The following AKT1S1 variants were observed in gnomAD, a reference collection of about 807,000 sequenced individuals.
AKT1S1 encodes proline-rich AKT1 substrate 1.
AKT1S1 carries 17 observed loss-of-function variants against 21.2 expected under a neutral mutation model. That is an observed-to-expected ratio of 0.80 (90% CI 0.55 to 1.20). The LOEUF (loss-of-function observed/expected upper bound fraction) is 1.20, where lower values mean the gene tolerates loss of function less well. Among genes scored for constraint, AKT1S1 ranks in the 50% most tolerant of loss-of-function variants. AKT1S1 has a pLI of 0.00. For synonymous variants in AKT1S1, 181 were observed against 165.6 expected, an observed-to-expected ratio of 1.09 and a Z score of -0.72; for missense variants, 366 against 368.3, an observed-to-expected ratio of 0.99 and a Z score of 0.05.
rs992986229 is a variant in AKT1S1 at position 49,869,815 on chromosome 19, G to A, written c.*102C>T. The A allele has an allele frequency of 8.1e-7, 1 of 1,232,170 alleles. No individual in the cohort carries two copies. The highest frequency in any genetic ancestry group is 1.1e-6 in the Non-Finnish European group (1 of 946,540). The allele number at this position is 1,232,170 out of a possible 1,614,324, so 76.3% of individuals were successfully genotyped here. On this transcript the variant is annotated 3_prime_UTR_variant, in exon 5 of 5. Coordinates refer to ENST00000344175, the MANE Select transcript of AKT1S1 (RefSeq NM_001098633.4). Reference sequence around the variant, plus strand: ...ATCTTGGGAATGGGAGACGCAAGGAGGCCGGTCCCGGATCGGCCTCAGATT... The same window carrying A: ...ATCTTGGGAATGGGAGACGCAAGGAAGCCGGTCCCGGATCGGCCTCAGATT...
Position 49,871,654 on chromosome 19 carries a change from C to T in AKT1S1, c.520G>A (p.Ala174Thr), listed in dbSNP as rs372167925. Residue 174 changes from alanine to threonine, a missense_variant, in exon 4 of 5, where the codon GCC becomes ACC. Ala to Thr is a moderately conservative substitution (Grantham distance 58). Coordinates refer to ENST00000344175, the MANE Select transcript of AKT1S1 (RefSeq NM_001098633.4). ...PPTCSVPPAS[A>T]LPTQQYAKSL... ...TTGGCGTACTGCTGTGTGGGTAGGG[C>T]TGAGGCTGGGGGCACTGAGCAGGTG... The T allele has an allele frequency of 3.7e-6, 6 of 1,613,934 alleles. No individual in the cohort carries two copies. The African/African-American group carries it at 8.0e-5, about 22-fold the overall frequency.
In AKT1S1 at chr19:49,869,774, T is replaced by C; in HGVS notation, c.*143A>G. 1 of 994,186 alleles carries C rather than the reference T, an allele frequency of 1.0e-6. No individual in the cohort carries two copies. Among genetic ancestry groups the C allele is most frequent in the African/African-American group, 1.7e-5 (1 of 58,538 alleles). The allele number at this position is 994,186 out of a possible 1,614,324, so 61.6% of individuals were successfully genotyped here. A position where few individuals can be genotyped will look rare whatever the true frequency, so the allele number is the denominator to read the frequency against. On this transcript the variant is annotated 3_prime_UTR_variant, in exon 5 of 5. Transcript: ENST00000344175. The stretch of plus-strand genomic sequence containing the variant: ...CGTGGGCTGGAAGGACGGCGGGGAT[T>C]GGCAGAGGCGGGACAATCTTGGGAA...
chr19:49,875,386 G>A (rs2074928371), intron 1 of AKT1S1: 1 of 74,098 alleles, frequency 1.3e-5, no homozygotes, highest in African/African-American at 7.6e-5. Context: ...GAGAGCTTAG[G>A]ACACTGGCAA....
Position 49,873,779 on chromosome 19 carries a change from C to T in AKT1S1, c.-7-477G>A, listed in dbSNP as rs2074912197. The T allele has an allele frequency of 6.3e-6, 1 of 158,896 alleles. No homozygotes were observed. The highest frequency in any genetic ancestry group is 6.5e-5 in the Admixed American group (1 of 15,318). 9.8% of individuals were successfully genotyped at this position (158,896 alleles called of 1,614,324 possible). On this transcript the variant is annotated intron_variant, in intron 1 of 4. Transcript: ENST00000344175. The surrounding 1 kb of genome is among the most constrained non-coding windows in gnomAD (Gnocchi z 6.9). ...GGCCGAGGCAGGCGGATCACCGAGCCCAAGAGTTCGAAGCCAGCCTGGGCA... is the reference window on the plus strand; with the variant it reads ...GGCCGAGGCAGGCGGATCACCGAGCTCAAGAGTTCGAAGCCAGCCTGGGCA...
At chr19:49,875,862 G>A (rs2074934830) in intron 1 of AKT1S1, 1 of 985,412 alleles carries the variant, frequency 1.0e-6, no homozygotes, top group Non-Finnish European at 1.2e-6. Flanking sequence ...AAGACCTGGG[G>A]GTCCTCCTTA....
At chr19:49,877,741 C>T (rs758864328), upstream of AKT1S1, 3 of 1,596,176 alleles carry the variant, frequency 1.9e-6, no homozygotes, top group Non-Finnish European at 2.6e-6. Context: ...GAGCCGGCTA[C>T]AGGGTAAGCA....
chr19:49,876,489 C>CT, intron 1 of AKT1S1: 2 of 1,273,132 alleles, frequency 1.6e-6, no homozygotes, highest in Non-Finnish European at 2.0e-6. Context: ...CCTCTGCCCT[C>CT]TGATCTGTGC....
intron 4 of AKT1S1, among the ~76,000 whole-genome samples, 197 bp from the exon 5 acceptor site, chr19:49,870,257 A>G (rs1029588649): frequency 6.6e-6 from 1 of 152,094 alleles, no homozygotes; most frequent in Non-Finnish European, 1.5e-5. Flanking sequence ...CCCGGTTCAG[A>G]CACCTCCTCC....
Position 49,869,726 on chromosome 19 carries a change from T to C in AKT1S1, c.*191A>G. On this transcript the variant is annotated 3_prime_UTR_variant, in exon 5 of 5. Coordinates refer to ENST00000344175, the MANE Select transcript of AKT1S1 (RefSeq NM_001098633.4). Reference sequence around the variant, plus strand: ...AGACCCAATCGGGAAACGGGACAGATGCCGCTCCTCGGCGCGGCAGGTCGT... The same window carrying C: ...AGACCCAATCGGGAAACGGGACAGACGCCGCTCCTCGGCGCGGCAGGTCGT... 1 of 587,736 alleles carries C rather than the reference T, an allele frequency of 1.7e-6. No homozygotes were observed. Among genetic ancestry groups the C allele is most frequent in the Non-Finnish European group, 2.7e-6 (1 of 368,470 alleles). 36.4% of individuals were successfully genotyped at this position (587,736 alleles called of 1,614,324 possible).
chr19:49,872,675 T>G (rs1465163515), intron 2 of AKT1S1, among the ~76,000 whole-genome samples: 1 of 152,156 alleles, frequency 6.6e-6, no homozygotes, highest in East Asian at 1.9e-4. Context: ...CCGAGCCTGC[T>G]CTGTGTCCTT....
rs147150231 is a variant in AKT1S1 at position 49,873,585 on chromosome 19, G to A, written c.-7-283C>T. The stretch of plus-strand genomic sequence containing the variant: ...CCCTGCCCTGGCCTCTGTGGGAGCC[G>A]CCAGCCACATGTGAACAGGGAGTAC... On this transcript the variant is annotated intron_variant, in intron 1 of 4. Transcript: ENST00000344175. This position sits in a 1 kb window ranked among gnomAD's most constrained non-coding sequence, Gnocchi z 6.9. 2.8e-3 allele frequency: 1,257 copies of A among 445,980 alleles called. 17 individuals carry two copies. Among genetic ancestry groups the A allele is most frequent in the African/African-American group, 0.024 (1,129 of 47,990 alleles). 27.6% of individuals were successfully genotyped at this position (445,980 alleles called of 1,614,324 possible). A position where few individuals can be genotyped will look rare whatever the true frequency, so the allele number is the denominator to read the frequency against.
At chr19:49,877,124 G>C in intron 1 of AKT1S1, 113 bp downstream of exon 1, 1 of 165,158 alleles carries the variant, frequency 6.1e-6, no homozygotes, top group Admixed American at 6.4e-5. Flanking sequence ...CCGCTTTCTC[G>C]CGACGGTGAC....
At position 49,872,956 on chromosome 19, in the gene AKT1S1, C is replaced by G. The variant is rs2122377298; in HGVS notation, c.340G>C (p.Glu114Gln). Residue 114 changes from glutamate to glutamine, a missense_variant, in exon 2 of 5, where the codon GAG becomes CAG. By Grantham distance (29) the Glu-to-Gln change is conservative (BLOSUM62 2). Coordinates refer to ENST00000344175, the MANE Select transcript of AKT1S1 (RefSeq NM_001098633.4). The stretch of plus-strand genomic sequence containing the variant: ...ATGCCCAGCTGCTCCCCGGAGGTCT[C>G]TGTCTCTGTGGGCTCATCCTCGTCC... ...EEDEDEPTET[E>Q]TSGEQLGISD... 6.2e-7 allele frequency: 1 copy of G among 1,604,456 alleles called. No homozygotes were observed. The highest frequency in any genetic ancestry group is 8.5e-7 in the Non-Finnish European group (1 of 1,178,040).
At chr19:49,878,076 C>T, upstream of AKT1S1, 1 of 1,330,070 alleles carries the variant, frequency 7.5e-7, no homozygotes, top group African/African-American at 1.5e-5. Context: ...CTGGGCCCGT[C>T]CCTATTGGCT....
Position 49,869,801 on chromosome 19 carries a change from G to T in AKT1S1, c.*116C>A. 1 of 1,146,918 alleles carries T rather than the reference G, an allele frequency of 8.7e-7. No individual in the cohort carries two copies. Among genetic ancestry groups the T allele is most frequent in the South Asian group, 2.3e-5 (1 of 43,408 alleles). 71.0% of individuals were successfully genotyped at this position (1,146,918 alleles called of 1,614,324 possible). A position where few individuals can be genotyped will look rare whatever the true frequency, so the allele number is the denominator to read the frequency against. On this transcript the variant is annotated 3_prime_UTR_variant, in exon 5 of 5. Coordinates refer to ENST00000344175, the MANE Select transcript of AKT1S1 (RefSeq NM_001098633.4). ...GCAGAGGCGGGACAATCTTGGGAAT[G>T]GGAGACGCAAGGAGGCCGGTCCCGG...
Position 49,869,648 on chromosome 19 carries a change from A to C in AKT1S1, c.*269T>G. 1 of 383,196 alleles carries C rather than the reference A, an allele frequency of 2.6e-6. No homozygotes were observed. The highest frequency in any genetic ancestry group is 4.1e-5 in the East Asian group (1 of 24,436). The allele number at this position is 383,196 out of a possible 1,614,324, so 23.7% of individuals were successfully genotyped here. On this transcript the variant is annotated 3_prime_UTR_variant, in exon 5 of 5. Coordinates refer to ENST00000344175, the MANE Select transcript of AKT1S1 (RefSeq NM_001098633.4). ...TTGACCCATTTAGAGCTTAGAACTC[A>C]GCGAGCCAATCCCTTAATAGAAGGA...
Position 49,873,129 on chromosome 19 carries a change from T to A in AKT1S1, c.167A>T (p.Glu56Val). The A allele has an allele frequency of 6.5e-7, 1 of 1,541,062 alleles. No individual in the cohort carries two copies. The highest frequency in any genetic ancestry group is 8.7e-7 in the Non-Finnish European group (1 of 1,148,424). The change falls in exon 2 of 5, where the codon GAG becomes GTG. Residue 56 changes from glutamate (E) to valine (V), a missense_variant. By Grantham distance (121) the Glu-to-Val change is moderately radical (BLOSUM62 -2). Coordinates refer to ENST00000344175, the MANE Select transcript of AKT1S1 (RefSeq NM_001098633.4). The surrounding 1 kb of genome is among the most constrained non-coding windows in gnomAD (Gnocchi z 6.9). ...YAAHGRGALA[E>V]AARRCLHDIA... ...GTCGTGGAGGCAACGGCGCGCTGCC[T>A]CCGCCAGGGCTCCTCGACCATGGGC...
At chr19:49,877,843 C>G (rs746410998), upstream of AKT1S1, 8 of 1,413,562 alleles carry the variant, frequency 5.7e-6, no homozygotes, top group South Asian at 6.5e-5. Context: ...GAATCCGGCA[C>G]GGCCTTGGCA....
chr19:49,878,269 C>T, upstream of AKT1S1: 1 of 1,546,288 alleles, frequency 6.5e-7, no homozygotes, highest in South Asian at 1.2e-5. Flanking sequence ...AGGGCTCGGA[C>T]CCGCTCCGAG....
Sources: gnomAD v4.1 joint callset for allele counts (sites outside exome capture counted in the v4.1 genomes callset) on GRCh38, gnomAD v4.1.1 for gene constraint, Gnocchi (gnomAD v3.1) non-coding constraint, MANE v1.5 for transcripts, NCBI Gene and HGNC (gene_info 2026-07-23, HGNC 2026-07-21) for gene names.